The following PRKG1 variants were observed in gnomAD, a reference collection of about 807,000 sequenced individuals.
PRKG1 encodes protein kinase cGMP-dependent 1, also known as cGMP-dependent protein kinase 1.
A neutral mutation model predicts 88.1 loss-of-function variants in PRKG1; 35 were observed. The observed-to-expected ratio is 0.40, with a 90% CI of 0.30 to 0.53. The LOEUF is 0.53. Ranked by LOEUF, PRKG1 falls within the 20% of genes least tolerant of loss-of-function variation. The probability of loss-of-function intolerance (pLI) is 0.59; values close to 1 mark genes in which losing one functional copy is unlikely to be tolerated. For synonymous variants in PRKG1, 303 were observed against 292.5 expected (o/e 1.04, Z -0.37); for missense variants, 540 against 839.8 (o/e 0.64, Z 4.41).
intron 3 of PRKG1, among the ~76,000 whole-genome samples, chr10:51,541,354 G>A (rs1421402329): frequency 6.6e-6 from 1 of 152,160 alleles, no homozygotes; most frequent in Non-Finnish European, 1.5e-5. Flanking sequence ...TTCCTAACAG[G>A]CCACAGACCT....
At chr10:51,053,782 T>G (rs1156876248) in intron 1 of PRKG1, among the ~76,000 whole-genome samples, 3 of 151,012 alleles carry the variant, frequency 2.0e-5, no homozygotes, top group Non-Finnish European at 4.4e-5. Flanking sequence ...TTTTTTGTTT[T>G]TTTTTTTTTT....
At chr10:52,147,398 T>C (rs920757796) in intron 8 of PRKG1, among the ~76,000 whole-genome samples, 6 of 152,212 alleles carry the variant, frequency 3.9e-5, no homozygotes, top group African/African-American at 1.2e-4. Context: ...AATACACTCA[T>C]GTCAGCTAAT....
In PRKG1 at chr10:51,508,825, T is replaced by C. The variant is rs559421223; in HGVS notation, c.592+40989T>C. On this transcript the variant is annotated intron_variant, in intron 3 of 17. Coordinates refer to ENST00000373980, the MANE Select transcript of PRKG1 (RefSeq NM_006258.4). ...TAGAAGGCATTTAATCTACCTTGTA[T>C]AAAAGTGGAAGCAATAGAAGGGGGA... 2.6e-5 allele frequency among the ~76,000 whole-genome samples: 4 copies of C among 152,308 alleles called. No individual in the cohort carries two copies. The South Asian group carries it at 6.2e-4, about 24-fold the overall frequency.
Position 51,531,637 on chromosome 10 carries a change from C to CTTTTT in PRKG1, c.592+63823_592+63827dup, listed in dbSNP as rs34091409. On this transcript the variant is annotated intron_variant, in intron 3 of 17. Coordinates refer to ENST00000373980, the MANE Select transcript of PRKG1 (RefSeq NM_006258.4). Reference sequence around the variant, plus strand: ...ATTGTTTCGGACTACAAAAAGAATTCTTTTTTTTTTTTTTTTTTTTTTTTT... The same window carrying CTTTTT: ...ATTGTTTCGGACTACAAAAAGAATTCTTTTTTTTTTTTTTTTTTTTTTTTTTTTTT... Among the ~76,000 whole-genome samples, 20 of 67,850 alleles carry CTTTTT rather than the reference C, an allele frequency of 2.9e-4. 1 individual carries two copies. Among genetic ancestry groups the CTTTTT allele is most frequent in the South Asian group, 1.5e-3 (2 of 1,328 alleles). The allele number at this position is 67,850 out of a possible 152,430, so 44.5% of individuals were successfully genotyped here. A position where few individuals can be genotyped will look rare whatever the true frequency, so the allele number is the denominator to read the frequency against.
intron 3 of PRKG1, among the ~76,000 whole-genome samples, chr10:51,553,883 GTGTATATAATA>G (rs1837213810): frequency 8.2e-6 from 1 of 121,278 alleles, no homozygotes; most frequent in African/African-American, 3.2e-5. Context: ...TATTAGATAC[GTGTATATAATA>G]TATGTATGTA....
At chr10:51,106,768 A>C (rs1844846005) in intron 1 of PRKG1, among the ~76,000 whole-genome samples, 1 of 152,170 alleles carries the variant, frequency 6.6e-6, no homozygotes. Context: ...GGACAACAAA[A>C]CTTCATGGTG....
At chr10:52,092,725 C>T in intron 7 of PRKG1, among the ~76,000 whole-genome samples, 1 of 152,076 alleles carries the variant, frequency 6.6e-6, no homozygotes, top group East Asian at 1.9e-4. Context: ...TTGTATAATG[C>T]TTTAAGTTTT....
Position 52,226,445 on chromosome 10 carries a change from T to C in PRKG1, c.1077-25125T>C, listed in dbSNP as rs777581441. Among the ~76,000 whole-genome samples the C allele has an allele frequency of 2.0e-5, 3 of 152,322 alleles. No homozygotes were observed. The South Asian group carries it at 6.2e-4, about 32-fold the overall frequency. On this transcript the variant is annotated intron_variant, in intron 9 of 17. Transcript: ENST00000373980. ...CTGTTATTAAGCTGAGAATAATTGCTGTCACCTTTAGCCACTTGGTTTTTA... is the reference window on the plus strand; with the variant it reads ...CTGTTATTAAGCTGAGAATAATTGCCGTCACCTTTAGCCACTTGGTTTTTA...
intron 9 of PRKG1, among the ~76,000 whole-genome samples, chr10:52,196,574 C>T (rs6480755): frequency 0.99 from 150,088 of 152,286 alleles, 74,010 homozygotes; most frequent in East Asian, 1. Context: ...ACGAAAGATA[C>T]TCATTTTGGT....
At chr10:51,323,739 C>A (rs1465871943) in intron 2 of PRKG1, among the ~76,000 whole-genome samples, 1 of 152,148 alleles carries the variant, frequency 6.6e-6, no homozygotes, top group Non-Finnish European at 1.5e-5. Context: ...GAAGCCAAGG[C>A]AGGAGGGTCA....
intron 17 of PRKG1, among the ~76,000 whole-genome samples, chr10:52,293,218 C>G (rs182299796): frequency 0.01 from 1,563 of 151,528 alleles, 11 homozygotes; most frequent in Non-Finnish European, 0.015. Context: ...TGTGAAGGAC[C>G]TCTTCAAGGA....
At chr10:51,064,735 T>C (rs1268167192) in intron 1 of PRKG1, among the ~76,000 whole-genome samples, 1 of 152,204 alleles carries the variant, frequency 6.6e-6, no homozygotes, top group East Asian at 1.9e-4. Context: ...TATATTCCTG[T>C]CTTTTGATTT....
chr10:52,247,921 A>G (rs1304798278), intron 9 of PRKG1, among the ~76,000 whole-genome samples: 1 of 152,338 alleles, frequency 6.6e-6, no homozygotes, highest in South Asian at 2.1e-4. Flanking sequence ...AGAGCCCCGA[A>G]CAGAGATTTA....
At chr10:51,528,900 A>T (rs1841948285) in intron 3 of PRKG1, among the ~76,000 whole-genome samples, 1 of 152,136 alleles carries the variant, frequency 6.6e-6, no homozygotes, top group Non-Finnish European at 1.5e-5. Flanking sequence ...AAATAAGGGA[A>T]TTCTCCAAAC....
intron 14 of PRKG1, among the ~76,000 whole-genome samples, chr10:52,287,122 CA>C (rs1489896544): frequency 1.3e-5 from 2 of 151,640 alleles, no homozygotes; most frequent in Admixed American, 6.6e-5. Flanking sequence ...AATATAAAAG[CA>C]AAACTATAAA....
chr10:52,054,680 G>C, intron 6 of PRKG1, 119 bp downstream of exon 6: 1 of 808,870 alleles, frequency 1.2e-6, no homozygotes, highest in South Asian at 1.8e-5. Flanking sequence ...TTTTGACACA[G>C]AGAGGTATTA....
At chr10:51,840,728 C>G (rs1370697146) in intron 4 of PRKG1, among the ~76,000 whole-genome samples, 2 of 151,842 alleles carry the variant, frequency 1.3e-5, no homozygotes, top group East Asian at 3.9e-4. Flanking sequence ...TTATTCTTAG[C>G]AGAGACGGGG....
At chr10:51,039,568 T>G (rs1352984725) in intron 1 of PRKG1, among the ~76,000 whole-genome samples, 10 of 152,166 alleles carry the variant, frequency 6.6e-5, no homozygotes, top group Non-Finnish European at 1.5e-4. Flanking sequence ...TCCTTTGCTG[T>G]GGAGAAGTTT....
At chr10:51,729,901 G>C (rs766564017) in intron 3 of PRKG1, among the ~76,000 whole-genome samples, 4 of 151,930 alleles carry the variant, frequency 2.6e-5, no homozygotes, top group Non-Finnish European at 4.4e-5. Flanking sequence ...ATTAGCAGAT[G>C]ATCCAGAGAT....
Sources: gnomAD v4.1 joint callset for allele counts (sites outside exome capture counted in the v4.1 genomes callset) on GRCh38, gnomAD v4.1.1 for gene constraint, MANE v1.5 for transcripts, NCBI Gene and HGNC (gene_info 2026-07-23, HGNC 2026-07-21) for gene names.